TADA2A: variants seen among roughly 807,000 people sequenced by gnomAD.
TADA2A encodes transcriptional adapter 2-alpha.
TADA2A carries 38 observed loss-of-function variants against 67.4 expected under a neutral mutation model. The observed-to-expected ratio is 0.56, with a 90% CI of 0.44 to 0.74. The LOEUF is 0.74. TADA2A is among the 30% of genes least tolerant of loss of function. The pLI is 0.00. For synonymous variants in TADA2A, 192 were observed against 181.6 expected (o/e 1.06, Z -0.46); for missense variants, 454 against 547.0 (o/e 0.83, Z 1.70).
chr17:37,470,638 T>A (rs2053766913), intron 13 of TADA2A, 106 bp downstream of exon 13: 2 of 1,241,826 alleles, frequency 1.6e-6, no homozygotes, highest in Admixed American at 2.8e-5. Flanking sequence ...ATTGAGTAGC[T>A]GGAAGAATTC....
At chr17:37,443,730 G>C (rs2052990899) in intron 7 of TADA2A, among the ~76,000 whole-genome samples, 1 of 152,158 alleles carries the variant, frequency 6.6e-6, no homozygotes, top group Non-Finnish European at 1.5e-5. Context: ...GATAATATAA[G>C]AATAAATGAA....
intron 4 of TADA2A, among the ~76,000 whole-genome samples, chr17:37,428,456 C>A (rs2052472412): frequency 1.3e-5 from 2 of 152,312 alleles, no homozygotes; most frequent in Middle Eastern, 6.8e-3. Flanking sequence ...TCTGGGCCCC[C>A]TTTCTCCATC....
In TADA2A at chr17:37,423,497, T is replaced by A; in HGVS notation, c.26-12T>A. The A allele has an allele frequency of 6.3e-7, 1 of 1,591,710 alleles. No homozygotes were observed. The highest frequency in any genetic ancestry group is 8.5e-7 in the Non-Finnish European group (1 of 1,169,914). ...TGGTCTGAAATGTGCATTTGTTTTC[T>A]GTTTGTTCTAGATGATCCCTCTGAT... On this transcript the variant is annotated splice_polypyrimidine_tract_variant and intron_variant, in intron 2 of 15. Coordinates refer to ENST00000615182, the MANE Select transcript of TADA2A (RefSeq NM_001166105.3).
chr17:37,440,380 A>G (rs147216633), intron 5 of TADA2A, 125 bp from the exon 6 acceptor site: 67 of 1,117,062 alleles, frequency 6.0e-5, no homozygotes, highest in Non-Finnish European at 7.6e-5. Context: ...TCTTTTTGAT[A>G]TCAATTTGGA....
At chr17:37,426,626 G>A (rs113701642) in intron 3 of TADA2A, 59 of 161,784 alleles carry the variant, frequency 3.6e-4, no homozygotes, top group Non-Finnish European at 5.6e-4. Flanking sequence ...CTGAGATGGC[G>A]CCACTCTAGC....
chr17:37,435,902 A>C (rs1351376938), intron 4 of TADA2A, among the ~76,000 whole-genome samples: 1 of 151,346 alleles, frequency 6.6e-6, no homozygotes, highest in Non-Finnish European at 1.5e-5. Context: ...TTTTGTAGAG[A>C]TGGGGTTTCA....
In TADA2A at chr17:37,479,474, C is replaced by T. The variant is rs1448997917; in HGVS notation, c.*2492C>T. 1.3e-5 allele frequency: 2 copies of T among 152,008 alleles called. No individual in the cohort carries two copies. The highest frequency in any genetic ancestry group is 1.3e-4 in the Admixed American group (2 of 15,256). The allele number at this position is 152,008 out of a possible 1,614,324, so 9.4% of individuals were successfully genotyped here. ...TAGGATTATTATTTCTTTGGTATAC[C>T]GAACTTTGCAAAGATACGTAGCATT... On this transcript the variant is annotated 3_prime_UTR_variant, in exon 16 of 16. Coordinates refer to ENST00000615182, the MANE Select transcript of TADA2A (RefSeq NM_001166105.3).
intron 4 of TADA2A, among the ~76,000 whole-genome samples, chr17:37,437,167 GCTCCGC>G (rs148763648): frequency 0.49 from 72,865 of 149,162 alleles, 18,700 homozygotes; most frequent in East Asian, 0.8. Context: ...CTCACTGCAA[GCTCCGC>G]CTCCGCCTCC....
At position 37,447,470 on chromosome 17, in the gene TADA2A, T is replaced by TA. The variant is rs1349041210; in HGVS notation, c.604+2707dup. Among the ~76,000 whole-genome samples the TA allele has an allele frequency of 5.3e-5, 8 of 152,106 alleles. No individual in the cohort carries two copies. The East Asian group carries it at 1.5e-3, about 29-fold the overall frequency. On this transcript the variant is annotated intron_variant, in intron 8 of 15. Transcript: ENST00000615182. The stretch of plus-strand genomic sequence containing the variant: ...GCGTCCGGCCCTAAATGAATGCTTT[T>TA]AAAAAGATGATAACACTTCAGATTT...
chr17:37,447,403 C>T (rs1568163562), intron 8 of TADA2A, among the ~76,000 whole-genome samples: 1 of 152,136 alleles, frequency 6.6e-6, no homozygotes, highest in Non-Finnish European at 1.5e-5. Flanking sequence ...GATCTGCCCA[C>T]CTCTGCCTCC....
At chr17:37,452,688 G>C (rs1324954946) in intron 8 of TADA2A, among the ~76,000 whole-genome samples, 1 of 151,908 alleles carries the variant, frequency 6.6e-6, no homozygotes, top group East Asian at 1.9e-4. Flanking sequence ...AACAGTGACA[G>C]GTATAGGCAT....
intron 10 of TADA2A, among the ~76,000 whole-genome samples, chr17:37,462,356 C>G (rs948964139): frequency 2.0e-5 from 3 of 152,002 alleles, no homozygotes; most frequent in Non-Finnish European, 4.4e-5. Context: ...GGGCCAGGCG[C>G]GGTGGCTCTT....
At chr17:37,455,364 T>G (rs997474972) in intron 8 of TADA2A, among the ~76,000 whole-genome samples, 35 of 83,616 alleles carry the variant, frequency 4.2e-4, no homozygotes, top group East Asian at 1.3e-3. Context: ...AAGTTTGTTT[T>G]TTTGTTTGTT....
intron 15 of TADA2A, among the ~76,000 whole-genome samples, chr17:37,476,221 C>G (rs1463290025): frequency 6.6e-6 from 1 of 152,212 alleles, no homozygotes; most frequent in African/African-American, 2.4e-5. Flanking sequence ...TGACCTCAGA[C>G]TCCTCATTGC....
chr17:37,411,126 A>G (rs1433047596), intron 1 of TADA2A, 143 bp from the exon 2 acceptor site: 2 of 579,870 alleles, frequency 3.4e-6, no homozygotes, highest in African/African-American at 1.9e-5. Context: ...ACTACAGAGG[A>G]AGAAACAGGT....
At chr17:37,423,752 C>A in intron 3 of TADA2A, 137 bp downstream of exon 3, 1 of 481,032 alleles carries the variant, frequency 2.1e-6, no homozygotes, top group Non-Finnish European at 3.4e-6. Context: ...CTTTTTCTTT[C>A]TTTTTTTTTT....
intron 15 of TADA2A, among the ~76,000 whole-genome samples, chr17:37,475,144 TA>T (rs2053866234): frequency 6.6e-6 from 1 of 152,006 alleles, no homozygotes; most frequent in Non-Finnish European, 1.5e-5. Context: ...ATTTTGATTT[TA>T]AAAATTATTT....
chr17:37,442,566 A>G lies in TADA2A; in HGVS notation c.445A>G (p.Thr149Ala), dbSNP rs779265621. 3 of 1,613,424 alleles carry G rather than the reference A, an allele frequency of 1.9e-6. No homozygotes were observed. Among genetic ancestry groups the G allele is most frequent in the Non-Finnish European group, 1.7e-6 (2 of 1,179,706 alleles). Residue 149 changes from threonine to alanine, a missense_variant and splice_region_variant, in exon 7 of 16, where the codon ACA becomes GCA. Physicochemically the swap from Thr to Ala is moderately conservative, Grantham distance 58 (BLOSUM62 0). Around this residue, in one of 2 missense-constraint regions of TADA2A, gnomAD observed 403 missense variants for 455.5 expected, o/e 0.88. Transcript: ENST00000615182. ...AGAAACCTTCTAAATTCTTCCAGCT[A>G]CAGATGACCCTCCCCGACCTACCTT... ...TADTAIPFHS[T>A]DDPPRPTFDS...
chr17:37,423,390 T>C, intron 2 of TADA2A, 119 bp from the exon 3 acceptor site: 1 of 734,236 alleles, frequency 1.4e-6, no homozygotes. Context: ...TCATCTTGTC[T>C]CCATGAACTT....
Sources: allele counts gnomAD v4.1 joint callset (sites outside exome capture counted in the v4.1 genomes callset), GRCh38; gene constraint gnomAD v4.1.1; regional missense constraint gnomAD v4.1.1; transcripts MANE v1.5; gene names NCBI Gene and HGNC (gene_info 2026-07-23, HGNC 2026-07-21).